The following LTBP1 variants were observed in gnomAD, a reference collection of about 807,000 sequenced individuals.
LTBP1 encodes the protein latent transforming growth factor beta binding protein 1.
LTBP1 carries 129 observed loss-of-function variants against 207.6 expected under a neutral mutation model. The ratio of observed to expected loss-of-function variants is 0.62; its 90% CI spans 0.54 to 0.72. The LOEUF (loss-of-function observed/expected upper bound fraction) is 0.72. Among genes scored for constraint, LTBP1 ranks in the 30% least tolerant of loss-of-function variants. The pLI is 0.00. For missense variants in LTBP1, 2,281 were observed against 2,217.2 expected (o/e 1.03, Z -0.58); for synonymous variants, 963 against 833.7 (o/e 1.16, Z -2.67).
At chr2:33,096,669 G>T (rs1306490173) in intron 3 of LTBP1, among the ~76,000 whole-genome samples, 3 of 152,148 alleles carry the variant, frequency 2.0e-5, no homozygotes, top group Middle Eastern at 3.2e-3. Flanking sequence ...GAGGAATTTA[G>T]CAGATGATGT....
rs542499004 is a variant in LTBP1, at chr2:33,224,402, A to G, written c.1876+2251A>G. ...TTTCTCTTAATGTCAAATGGATAAA[A>G]TATACATATGTTCTCTTGGTATGGT... On this transcript the variant is annotated intron_variant, in intron 9 of 33. Coordinates refer to ENST00000404816, the MANE Select transcript of LTBP1 (RefSeq NM_206943.4). 6.6e-5 allele frequency among the ~76,000 whole-genome samples: 10 copies of G among 152,318 alleles called. No individual in the cohort carries two copies. The East Asian group carries it at 1.9e-3, about 29-fold the overall frequency.
At position 33,315,300 on chromosome 2, in the gene LTBP1, G is replaced by C. The variant is rs755764738; in HGVS notation, c.3730+31G>C. On this transcript the variant is annotated intron_variant, in intron 24 of 33. Coordinates refer to ENST00000404816, the MANE Select transcript of LTBP1 (RefSeq NM_206943.4). ...ATAAACCATACGAAATCATATTGTTGTGTGATAAAAGAGAGAGGAGATTGC... is the reference window on the plus strand; with the variant it reads ...ATAAACCATACGAAATCATATTGTTCTGTGATAAAAGAGAGAGGAGATTGC... The C allele has an allele frequency of 7.5e-6, 12 of 1,609,254 alleles. No individual in the cohort carries two copies. In the South Asian group the frequency reaches 1.3e-4, roughly 18 times the overall value.
intron 5 of LTBP1, among the ~76,000 whole-genome samples, chr2:33,174,695 C>G (rs1197655621): frequency 6.6e-6 from 1 of 152,164 alleles, no homozygotes; most frequent in Non-Finnish European, 1.5e-5. Context: ...GCCCGCATCG[C>G]AAAGTGAATC....
At chr2:33,327,482 G>A (rs2094442226) in intron 24 of LTBP1, among the ~76,000 whole-genome samples, 1 of 152,100 alleles carries the variant, frequency 6.6e-6, no homozygotes, top group South Asian at 2.1e-4. Flanking sequence ...CCATGACATA[G>A]AGTGGGTCAT....
At chr2:33,207,533 A>T (rs1373164572) in intron 7 of LTBP1, among the ~76,000 whole-genome samples, 1 of 152,236 alleles carries the variant, frequency 6.6e-6, no homozygotes, top group Non-Finnish European at 1.5e-5. Flanking sequence ...AACCTTGCCT[A>T]TAAAGAATGT....
At position 33,395,504 on chromosome 2, in the gene LTBP1, G is replaced by A. The variant is rs1250941080; in HGVS notation, c.4835-1629G>A. On this transcript the variant is annotated intron_variant, in intron 32 of 33. Transcript: ENST00000404816. ...AAGATTCACTTATTGTATATTTTTC[G>A]GTCATCTCTAAAACCCACTTTCTTC... 5.3e-5 allele frequency among the ~76,000 whole-genome samples: 8 copies of A among 151,976 alleles called. No individual in the cohort carries two copies. The East Asian group carries it at 1.2e-3, about 22-fold the overall frequency.
At chr2:33,288,134 A>G (rs999389782) in intron 19 of LTBP1, among the ~76,000 whole-genome samples, 1 of 152,232 alleles carries the variant, frequency 6.6e-6, no homozygotes, top group Non-Finnish European at 1.5e-5. Context: ...GAATTTGGAT[A>G]GCCTTAGAGA....
intron 24 of LTBP1, among the ~76,000 whole-genome samples, chr2:33,318,784 A>G (rs1429996076): frequency 6.6e-6 from 1 of 152,166 alleles, no homozygotes; most frequent in Admixed American, 6.5e-5. Context: ...TCGTTGTTTT[A>G]TGGTCCATTT....
At chr2:33,043,244 C>G (rs981314281) in intron 3 of LTBP1, among the ~76,000 whole-genome samples, 14 of 152,096 alleles carry the variant, frequency 9.2e-5, no homozygotes, top group Admixed American at 2.0e-4. Flanking sequence ...AGCCCAGAGC[C>G]TTTTCAACTC....
intron 3 of LTBP1, among the ~76,000 whole-genome samples, chr2:33,091,385 C>T (rs1260590482): frequency 6.6e-6 from 1 of 152,052 alleles, no homozygotes; most frequent in East Asian, 1.9e-4. Flanking sequence ...GTTCTGGTCT[C>T]TCTCTGTTTT....
intron 2 of LTBP1, among the ~76,000 whole-genome samples, chr2:32,963,961 A>C (rs947718266): frequency 6.6e-6 from 1 of 152,250 alleles, no homozygotes; most frequent in Non-Finnish European, 1.5e-5. Context: ...ACGAAGGAGC[A>C]ACATTTTATT....
chr2:33,293,349 G>A, intron 20 of LTBP1, 67 bp downstream of exon 20: 1 of 1,481,362 alleles, frequency 6.8e-7, no homozygotes, highest in Non-Finnish European at 9.0e-7. Context: ...AGAGCAATTA[G>A]CCTTAGAAAA....
intron 9 of LTBP1, 44 bp from the exon 10 acceptor site, chr2:33,243,618 A>G (rs766265425): frequency 1.2e-5 from 20 of 1,603,156 alleles, no homozygotes; most frequent in African/African-American, 5.4e-5. Context: ...AATCTGCTCA[A>G]TGGGGCTTGA....
chr2:33,383,003 G>T (rs577926972), intron 31 of LTBP1, among the ~76,000 whole-genome samples: 2 of 152,304 alleles, frequency 1.3e-5, no homozygotes, highest in African/African-American at 4.8e-5. Flanking sequence ...AGAGTGGAAT[G>T]TTCTGTAAAT....
At chr2:33,344,812 AG>A (rs1188730206) in intron 25 of LTBP1, among the ~76,000 whole-genome samples, 3 of 152,314 alleles carry the variant, frequency 2.0e-5, no homozygotes, top group African/African-American at 4.8e-5. Context: ...ATAGGTGCTC[AG>A]TAAATTTTGT....
chr2:33,039,014 C>A lies in LTBP1; in HGVS notation c.863+17808C>A, dbSNP rs114277557. Reference sequence around the variant, plus strand: ...CCGCCCTTTGTCTTTTTGTCCCCAGCCTAGTTGTGAAATCTCATCTCCTGG... The same window carrying A: ...CCGCCCTTTGTCTTTTTGTCCCCAGACTAGTTGTGAAATCTCATCTCCTGG... On this transcript the variant is annotated intron_variant, in intron 3 of 33. Transcript: ENST00000404816. Among the ~76,000 whole-genome samples, 210 of 152,304 alleles carry A rather than the reference C, an allele frequency of 1.4e-3. 1 individual carries two copies. Among genetic ancestry groups the A allele is most frequent in the African/African-American group, 4.5e-3 (187 of 41,574 alleles).
intron 32 of LTBP1, among the ~76,000 whole-genome samples, chr2:33,395,150 T>C (rs946769696): frequency 6.6e-6 from 1 of 152,210 alleles, no homozygotes; most frequent in African/African-American, 2.4e-5. Flanking sequence ...GTGCAGACAT[T>C]GTGTTCAATG....
chr2:33,329,063 A>AATG (rs2094463802), intron 24 of LTBP1, among the ~76,000 whole-genome samples: 1 of 151,852 alleles, frequency 6.6e-6, no homozygotes, highest in African/African-American at 2.4e-5. Flanking sequence ...CTGGGTCATA[A>AATG]AATGTATGTA....
In LTBP1 at chr2:33,281,685, C is replaced by A. The variant is rs2093562036; in HGVS notation, c.3112+1527C>A. Among the ~76,000 whole-genome samples, 4 of 152,150 alleles carry A rather than the reference C, an allele frequency of 2.6e-5. No individual in the cohort carries two copies. The South Asian group carries it at 6.2e-4, about 24-fold the overall frequency. ...CTGAGCCCCTAGGCCCATCCCCAACCCAAGAGTCTCTGCTGATGGAGTTGT... is the reference window on the plus strand; with the variant it reads ...CTGAGCCCCTAGGCCCATCCCCAACACAAGAGTCTCTGCTGATGGAGTTGT... On this transcript the variant is annotated intron_variant, in intron 19 of 33. Transcript: ENST00000404816.
Sources: gnomAD v4.1 joint callset for allele counts (sites outside exome capture counted in the v4.1 genomes callset) on GRCh38, gnomAD v4.1.1 for gene constraint, MANE v1.5 for transcripts, NCBI Gene and HGNC (gene_info 2026-07-23, HGNC 2026-07-21) for gene names.